The following DEPDC5 variants were observed in gnomAD, a reference collection of about 807,000 sequenced individuals.
DEPDC5 encodes DEP domain containing 5, GATOR1 subcomplex subunit, also known as GATOR1 complex protein DEPDC5.
In DEPDC5, 73 loss-of-function variants were observed where a neutral mutation model predicts 217.3. That is an observed-to-expected ratio of 0.34 (90% CI 0.28 to 0.41). DEPDC5 has a LOEUF of 0.41. Ranked by LOEUF, DEPDC5 falls within the 10% of genes least tolerant of loss-of-function variation. The pLI, the probability that DEPDC5 is intolerant of heterozygous loss-of-function variation, is 1.00. For missense variants in DEPDC5, 1,675 were observed against 2,070.1 expected (o/e 0.81, Z 3.70); for synonymous variants, 733 against 756.7 (o/e 0.97, Z 0.51).
intron 13 of DEPDC5, 37 bp downstream of exon 13, chr22:31,797,740 A>C: frequency 2.0e-6 from 3 of 1,488,294 alleles, no homozygotes; most frequent in African/African-American, 1.4e-5. Flanking sequence ...CGGCGGGGAA[A>C]GGAAGTGTAG....
Position 31,763,785 on chromosome 22 carries a change from A to G in DEPDC5, c.194-1190A>G, listed in dbSNP as rs760748045. ...TTTCAATTTGAGGAGAAAACATTCT[A>G]TAAAACCTGGCTACTCTGGTTACGC... On this transcript the variant is annotated intron_variant, in intron 4 of 42. Coordinates refer to ENST00000651528, the MANE Select transcript of DEPDC5 (RefSeq NM_001242896.3). Among the ~76,000 whole-genome samples, 117 of 152,116 alleles carry G rather than the reference A, an allele frequency of 7.7e-4. 1 individual carries two copies. Among genetic ancestry groups the G allele is most frequent in the Non-Finnish European group, 1.3e-3 (90 of 68,036 alleles).
chr22:31,812,498 C>A (rs1023393337), intron 20 of DEPDC5, among the ~76,000 whole-genome samples: 1 of 144,802 alleles, frequency 6.9e-6, no homozygotes, highest in Admixed American at 7.1e-5. Flanking sequence ...GATCTCGGCT[C>A]ACTGCAAGCT....
Position 31,906,162 on chromosome 22 carries a change from C to T in DEPDC5, c.4520-43C>T. 1 of 1,612,528 alleles carries T rather than the reference C, an allele frequency of 6.2e-7. No individual in the cohort carries two copies. The highest frequency in any genetic ancestry group is 8.5e-7 in the Non-Finnish European group (1 of 1,178,984). On this transcript the variant is annotated intron_variant, in intron 42 of 42. Coordinates refer to ENST00000651528, the MANE Select transcript of DEPDC5 (RefSeq NM_001242896.3). This position sits in a 1 kb window ranked among gnomAD's most constrained non-coding sequence, Gnocchi z 5.1. Reference sequence around the variant, plus strand: ...GAACCACCTCAGCAGGCTCCAGGAGCCCTCCTGGTGGCTGCCACACAGGCG... The same window carrying T: ...GAACCACCTCAGCAGGCTCCAGGAGTCCTCCTGGTGGCTGCCACACAGGCG...
chr22:31,868,750 A>G (rs1290812827), intron 33 of DEPDC5, among the ~76,000 whole-genome samples: 2 of 152,232 alleles, frequency 1.3e-5, no homozygotes, highest in Non-Finnish European at 2.9e-5. Flanking sequence ...TTAGAAAGCA[A>G]TTTTTGCTAA....
At chr22:31,864,346 T>C (rs997872589) in intron 33 of DEPDC5, among the ~76,000 whole-genome samples, 2 of 151,336 alleles carry the variant, frequency 1.3e-5, no homozygotes, top group South Asian at 2.1e-4. Context: ...CCTCAGGTGA[T>C]CCACCTGCCT....
chr22:31,769,473 A>AT (rs1366327065), intron 7 of DEPDC5: 2 of 152,202 alleles, frequency 1.3e-5, no homozygotes, highest in African/African-American at 4.8e-5. Flanking sequence ...CATTTTACAA[A>AT]TTAGGAAACA....
At chr22:31,826,733 T>C (rs1018841695) in intron 24 of DEPDC5, among the ~76,000 whole-genome samples, 1 of 152,190 alleles carries the variant, frequency 6.6e-6, no homozygotes, top group East Asian at 1.9e-4. Flanking sequence ...GTCTCCTCAC[T>C]AGACTGAAAG....
At chr22:31,891,180 A>G in intron 38 of DEPDC5, 1 of 551,718 alleles carries the variant, frequency 1.8e-6, no homozygotes, top group Non-Finnish European at 3.4e-6. Flanking sequence ...TAAACTGTCA[A>G]GTACTAGGGC....
intron 1 of DEPDC5, among the ~76,000 whole-genome samples, chr22:31,754,378 C>A (rs1229088694): frequency 6.6e-6 from 1 of 152,264 alleles, no homozygotes; most frequent in African/African-American, 2.4e-5. Flanking sequence ...GAAGGAACTT[C>A]TGCCTTCCTC....
At chr22:31,756,587 T>G (rs985116574) in intron 2 of DEPDC5, among the ~76,000 whole-genome samples, 3 of 152,128 alleles carry the variant, frequency 2.0e-5, no homozygotes, top group African/African-American at 7.2e-5. Context: ...ACAAAGGTAG[T>G]TAGATGCTGT....
chr22:31,903,819 C>T (rs2093708327), intron 41 of DEPDC5, among the ~76,000 whole-genome samples: 1 of 151,066 alleles, frequency 6.6e-6, no homozygotes, highest in South Asian at 2.1e-4. Context: ...TTCCTCTTTC[C>T]CTTTCTTTCA....
At position 31,754,708 on chromosome 22, in the gene DEPDC5, C is replaced by A. The variant is rs752958997; in HGVS notation, c.-60-154C>A. Among the ~76,000 whole-genome samples the A allele has an allele frequency of 2.0e-5, 3 of 152,230 alleles. No individual in the cohort carries two copies. Among genetic ancestry groups the A allele is most frequent in the Non-Finnish European group, 4.4e-5 (3 of 68,042 alleles). The stretch of plus-strand genomic sequence containing the variant: ...TTCTGTGGTTCTATTTGTTCTCCAT[C>A]GCTCCTTGTAACTGGAGGAGTGACT... On this transcript the variant is annotated intron_variant, in intron 1 of 42. Coordinates refer to ENST00000651528, the MANE Select transcript of DEPDC5 (RefSeq NM_001242896.3).
chr22:31,756,831 G>T (rs1015800887), intron 2 of DEPDC5, among the ~76,000 whole-genome samples: 16 of 151,672 alleles, frequency 1.1e-4, no homozygotes, highest in Non-Finnish European at 2.1e-4. Context: ...TGAGGCACGA[G>T]AATTGCTTGA....
intron 32 of DEPDC5, among the ~76,000 whole-genome samples, chr22:31,859,547 A>G (rs1006387823): frequency 6.6e-6 from 1 of 151,888 alleles, no homozygotes; most frequent in Non-Finnish European, 1.5e-5. Flanking sequence ...GTGCACCACC[A>G]TGGCCAGCTA....
chr22:31,782,639 A>G (rs1601794645), intron 8 of DEPDC5, among the ~76,000 whole-genome samples: 1 of 152,340 alleles, frequency 6.6e-6, no homozygotes, highest in Non-Finnish European at 1.5e-5. Flanking sequence ...ATAATTTATT[A>G]GACTGGCAAC....
intron 7 of DEPDC5, among the ~76,000 whole-genome samples, chr22:31,771,802 C>T (rs1349731926): frequency 6.7e-6 from 1 of 149,608 alleles, no homozygotes; most frequent in South Asian, 2.1e-4. Context: ...GGTGCAGTGG[C>T]TCATGCCTCT....
At chr22:31,800,972 T>C (rs1287531069) in intron 14 of DEPDC5, among the ~76,000 whole-genome samples, 3 of 148,488 alleles carry the variant, frequency 2.0e-5, no homozygotes, top group Non-Finnish European at 4.5e-5. Flanking sequence ...AAAGACACTA[T>C]CTCAAAAAAA....
Position 31,784,797 on chromosome 22 carries a change from TC to T in DEPDC5, c.563-16del. The T allele has an allele frequency of 6.2e-7, 1 of 1,610,702 alleles. No individual in the cohort carries two copies. Among genetic ancestry groups the T allele is most frequent in the Non-Finnish European group, 8.5e-7 (1 of 1,178,196 alleles). On this transcript the variant is annotated splice_polypyrimidine_tract_variant and intron_variant, in intron 9 of 42. Transcript: ENST00000651528. Reference sequence around the variant, plus strand: ...TTGTTCTCATGTTCTCATCCTTTTTTCATTGTTTCTTTTCAGGGGATTTGTA... The same window carrying T: ...TTGTTCTCATGTTCTCATCCTTTTTTATTGTTTCTTTTCAGGGGATTTGTA...
intron 33 of DEPDC5, among the ~76,000 whole-genome samples, chr22:31,868,351 C>T (rs921608227): frequency 6.6e-6 from 1 of 151,860 alleles, no homozygotes; most frequent in Non-Finnish European, 1.5e-5. Flanking sequence ...ACAGGACAGC[C>T]CCCCACAGCA....
Sources: allele counts gnomAD v4.1 joint callset (sites outside exome capture counted in the v4.1 genomes callset), GRCh38; gene constraint gnomAD v4.1.1; non-coding constraint Gnocchi (gnomAD v3.1); transcripts MANE v1.5; gene names NCBI Gene and HGNC (gene_info 2026-07-23, HGNC 2026-07-21).